The following SSBP3 variants were observed in gnomAD, a reference collection of about 807,000 sequenced individuals.
The protein encoded by SSBP3 is single stranded DNA binding protein 3.
A neutral mutation model predicts 69.6 loss-of-function variants in SSBP3; 5 were observed. That is an observed-to-expected ratio of 0.07 (90% CI 0.04 to 0.15). The LOEUF is 0.15. Ranked by LOEUF, SSBP3 falls within the 10% of genes least tolerant of loss-of-function variation. The pLI, the probability that SSBP3 is intolerant of heterozygous loss-of-function variation, is 1.00. For synonymous variants in SSBP3, 196 were observed against 193.4 expected (o/e 1.01, Z -0.11); for missense variants, 312 against 534.0 (o/e 0.58, Z 4.10).
chr1:54,230,649 T>C (rs779060011), intron 14 of SSBP3, among the ~76,000 whole-genome samples: 8 of 152,046 alleles, frequency 5.3e-5, no homozygotes, highest in Non-Finnish European at 1.2e-4. Context: ...CAGAAAGAAA[T>C]CCTGTACCCG....
chr1:54,307,840 G>A (rs1206509991), intron 4 of SSBP3, among the ~76,000 whole-genome samples: 1 of 152,160 alleles, frequency 6.6e-6, no homozygotes, highest in Non-Finnish European at 1.5e-5. Context: ...GGGGAGGCAT[G>A]AATAACCCAC....
intron 9 of SSBP3, among the ~76,000 whole-genome samples, chr1:54,245,859 G>C (rs1375094905): frequency 1.3e-5 from 2 of 152,234 alleles, no homozygotes; most frequent in Middle Eastern, 3.2e-3. Flanking sequence ...ATTACCAAAT[G>C]ACAATAGTGC....
intron 4 of SSBP3, among the ~76,000 whole-genome samples, chr1:54,293,834 C>T (rs1645650065): frequency 6.6e-6 from 1 of 152,196 alleles, no homozygotes; most frequent in African/African-American, 2.4e-5. Flanking sequence ...AAATAAAATT[C>T]TTGCAGAAAT....
At position 54,228,885 on chromosome 1, in the gene SSBP3, C is replaced by T. The variant is rs1473635266; in HGVS notation, c.928-59G>A. 3 of 1,545,720 alleles carry T rather than the reference C, an allele frequency of 1.9e-6. No homozygotes were observed. The African/African-American group carries it at 4.1e-5, about 21-fold the overall frequency. On this transcript the variant is annotated intron_variant, in intron 14 of 17. Coordinates refer to ENST00000610401, the Ensembl canonical transcript of SSBP3. ...GGGCCCTGGCCCTCTGCACCCCTCA[C>T]AGGCAGGGGGCTGCAGCCACGCTTG...
intron 4 of SSBP3, among the ~76,000 whole-genome samples, chr1:54,289,636 A>C (rs1426837300): frequency 6.6e-6 from 1 of 152,112 alleles, no homozygotes; most frequent in East Asian, 1.9e-4. Context: ...TTTGTGGAAG[A>C]GATGGTACTT....
intron 5 of SSBP3, among the ~76,000 whole-genome samples, chr1:54,280,287 T>A (rs369125397): frequency 1.3e-5 from 2 of 152,332 alleles, no homozygotes. Flanking sequence ...GAAACCCCTT[T>A]AACATCCCTA....
intron 4 of SSBP3, among the ~76,000 whole-genome samples, chr1:54,343,724 C>T: frequency 6.6e-6 from 1 of 152,208 alleles, no homozygotes; most frequent in South Asian, 2.1e-4. Flanking sequence ...CTTCATATAA[C>T]TATATCTACT....
chr1:54,354,439 C>T (rs758109673), intron 4 of SSBP3, among the ~76,000 whole-genome samples: 6 of 152,156 alleles, frequency 3.9e-5, no homozygotes, highest in African/African-American at 7.2e-5. Context: ...AGGAGAGACA[C>T]GAGGCAGTGG....
At chr1:54,325,509 T>C (rs565786109) in intron 4 of SSBP3, 1 of 167,202 alleles carries the variant, frequency 6.0e-6, no homozygotes, top group East Asian at 1.9e-4. Flanking sequence ...GGCTTTAAGA[T>C]GCAATACATC....
intron 7 of SSBP3, among the ~76,000 whole-genome samples, chr1:54,252,867 T>C (rs1484542981): frequency 1.3e-5 from 2 of 152,348 alleles, no homozygotes; most frequent in East Asian, 3.9e-4. Flanking sequence ...TCTTTCCTCA[T>C]CTGCAGGTGT....
chr1:54,355,645 C>T (rs1262704335), intron 4 of SSBP3, among the ~76,000 whole-genome samples: 7 of 152,146 alleles, frequency 4.6e-5, no homozygotes, highest in Non-Finnish European at 8.8e-5. Context: ...CCACCGCGTC[C>T]AGCCTCTCCC....
At chr1:54,406,851 C>A (rs568543625), upstream of SSBP3, among the ~76,000 whole-genome samples, 12 of 151,946 alleles carry the variant, frequency 7.9e-5, no homozygotes, top group Middle Eastern at 3.4e-3. Flanking sequence ...CAGCTCCCCC[C>A]CGCCGCGGCC....
chr1:54,361,871 G>A (rs891785158), intron 4 of SSBP3, among the ~76,000 whole-genome samples: 1 of 152,194 alleles, frequency 6.6e-6, no homozygotes, highest in African/African-American at 2.4e-5. Context: ...AACTGTCCCT[G>A]ACTGGGAGGT....
intron 13 of SSBP3, among the ~76,000 whole-genome samples, chr1:54,240,320 T>C (rs9792844): frequency 0.64 from 96,575 of 150,332 alleles, 31,868 homozygotes; most frequent in African/African-American, 0.79. Context: ...TAGCCGGGCA[T>C]GGTGGTGCGT....
chr1:54,300,788 A>G lies in SSBP3; in HGVS notation c.277-19261T>C, dbSNP rs535077564. On this transcript the variant is annotated intron_variant, in intron 4 of 17. Transcript: ENST00000610401. ...ATGTCCATTCCATGGATGGGCTCTC[A>G]GTGGATACTGAAAGAACTCCAAAAA... Among the ~76,000 whole-genome samples the G allele has an allele frequency of 4.6e-5, 7 of 152,314 alleles. No individual in the cohort carries two copies. In the South Asian group the frequency reaches 1.2e-3, roughly 27 times the overall value.
intron 4 of SSBP3, among the ~76,000 whole-genome samples, chr1:54,337,485 C>CGTTTTTTTTT (rs1646528982): frequency 2.0e-5 from 1 of 51,134 alleles, no homozygotes; most frequent in Admixed American, 3.2e-4. Context: ...TTTCCTCAAG[C>CGTTTTTTTTT]TTTTTTTTTT....
Position 54,242,221 on chromosome 1 carries a change from G to C in SSBP3, c.717-9C>G. ...TGCCAGCTCCCGGGCCCCTGAGAGA[G>C]GGAGAAAGAGATGTGGACAATGAAA... On this transcript the variant is annotated splice_polypyrimidine_tract_variant and intron_variant, in intron 10 of 17. Coordinates refer to ENST00000610401, the Ensembl canonical transcript of SSBP3. 6.2e-7 allele frequency: 1 copy of C among 1,613,852 alleles called. No homozygotes were observed. Among genetic ancestry groups the C allele is most frequent in the Non-Finnish European group, 8.5e-7 (1 of 1,179,960 alleles).
intron 1 of SSBP3, among the ~76,000 whole-genome samples, chr1:54,405,174 C>A (rs1359473604): frequency 6.6e-6 from 1 of 152,216 alleles, no homozygotes; most frequent in African/African-American, 2.4e-5. Context: ...CTTGAACTTC[C>A]AAGTGGCGTC....
At chr1:54,353,760 G>A (rs1050231682) in intron 4 of SSBP3, among the ~76,000 whole-genome samples, 2 of 152,170 alleles carry the variant, frequency 1.3e-5, no homozygotes, top group African/African-American at 4.8e-5. Context: ...CACTGAATGG[G>A]GCAAAATTCA....
Sources: gnomAD v4.1 joint callset for allele counts (sites outside exome capture counted in the v4.1 genomes callset) on GRCh38, gnomAD v4.1.1 for gene constraint, MANE v1.5 for transcripts, NCBI Gene and HGNC (gene_info 2026-07-23, HGNC 2026-07-21) for gene names.